The following PPP2R5C variants were observed in gnomAD, a reference collection of about 807,000 sequenced individuals.
The protein encoded by PPP2R5C is protein phosphatase 2 regulatory subunit B'gamma.
A neutral mutation model predicts 68.9 loss-of-function variants in PPP2R5C; 7 were observed. That is an observed-to-expected ratio of 0.10 (90% CI 0.06 to 0.19). PPP2R5C has a LOEUF of 0.19. Among genes scored for constraint, PPP2R5C ranks in the 10% least tolerant of loss-of-function variants. The probability of loss-of-function intolerance (pLI) is 1.00; values close to 1 mark genes in which losing one functional copy is unlikely to be tolerated. For synonymous variants in PPP2R5C, 210 were observed against 222.2 expected (o/e 0.95, Z 0.49); for missense variants, 348 against 641.3 (o/e 0.54, Z 4.94).
chr14:101,872,149 T>A (rs1368580202), intron 2 of PPP2R5C, among the ~76,000 whole-genome samples: 2 of 151,704 alleles, frequency 1.3e-5, no homozygotes. Context: ...ATATTTCTTA[T>A]AGCACAGGTC....
At chr14:101,898,690 AC>A (rs1383843854) in intron 8 of PPP2R5C, among the ~76,000 whole-genome samples, 1 of 152,062 alleles carries the variant, frequency 6.6e-6, no homozygotes, top group Non-Finnish European at 1.5e-5. Flanking sequence ...CGATGTTCCC[AC>A]CCGGGGACAC....
rs542332832 is a variant in PPP2R5C, at chr14:101,918,000, T to C, written c.1443+53T>C. The C allele has an allele frequency of 1.6e-4, 263 of 1,610,042 alleles. No homozygotes were observed. Among genetic ancestry groups the C allele is most frequent in the Non-Finnish European group, 2.2e-4 (255 of 1,177,420 alleles). ...ACCCATGACTGATTTGCTTAAGAAATGCACATTTTTGTAGGCGATGTGATT... is the reference window on the plus strand; with the variant it reads ...ACCCATGACTGATTTGCTTAAGAAACGCACATTTTTGTAGGCGATGTGATT... On this transcript the variant is annotated intron_variant, in intron 13 of 13. Transcript: ENST00000334743. This position sits in a 1 kb window ranked among gnomAD's most constrained non-coding sequence, Gnocchi z 4.4.
intron 2 of PPP2R5C, chr14:101,765,202 A>T (rs1473635303): frequency 4.3e-6 from 3 of 702,638 alleles, no homozygotes; most frequent in Non-Finnish European, 7.8e-6. Context: ...TACCACTGAA[A>T]ACACTGAAAT....
chr14:101,761,627 G>C (rs1465508414), upstream of PPP2R5C, among the ~76,000 whole-genome samples: 13 of 136,626 alleles, frequency 9.5e-5, no homozygotes, highest in Non-Finnish European at 1.6e-4. Flanking sequence ...GGCCGGCCGG[G>C]GGGTGGGAGG....
At position 101,825,559 on chromosome 14, in the gene PPP2R5C, T is replaced by C. The variant is rs2040350091; in HGVS notation, c.94+15523T>C. Reference sequence around the variant, plus strand: ...ACAGAACACAGCATGCAGGCGGAACTGTGCAGGTCAGTCACCACTCCACCT... The same window carrying C: ...ACAGAACACAGCATGCAGGCGGAACCGTGCAGGTCAGTCACCACTCCACCT... On this transcript the variant is annotated intron_variant, in intron 1 of 13. Transcript: ENST00000334743. This position sits in a 1 kb window ranked among gnomAD's most constrained non-coding sequence, Gnocchi z 4.0. Among the ~76,000 whole-genome samples the C allele has an allele frequency of 6.6e-6, 1 of 152,196 alleles. No individual in the cohort carries two copies.
At chr14:101,887,243 G>A (rs1037121856) in intron 5 of PPP2R5C, among the ~76,000 whole-genome samples, 11 of 152,344 alleles carry the variant, frequency 7.2e-5, no homozygotes, top group East Asian at 1.9e-4. Flanking sequence ...GAGGCTGGGC[G>A]GGCAGGGCAG....
At chr14:101,919,981 A>AAAAAAACAAAAC (rs1566972794) in intron 13 of PPP2R5C, among the ~76,000 whole-genome samples, 2 of 140,716 alleles carry the variant, frequency 1.4e-5, no homozygotes, top group African/African-American at 5.8e-5. Flanking sequence ...AAAAAAAAAA[A>AAAAAAACAAAAC]AAAAAAAAAA....
intron 1 of PPP2R5C, among the ~76,000 whole-genome samples, chr14:101,828,639 A>G (rs2040545898): frequency 6.6e-6 from 1 of 151,990 alleles, no homozygotes; most frequent in Non-Finnish European, 1.5e-5. Flanking sequence ...ACAAGCAGAA[A>G]GATTTAATTA....
At chr14:101,799,269 G>A (rs1327251349) in intron 3 of PPP2R5C, among the ~76,000 whole-genome samples, 1 of 152,106 alleles carries the variant, frequency 6.6e-6, no homozygotes, top group Admixed American at 6.6e-5. Context: ...TTTTCCAGTG[G>A]GACAATGCCC....
intron 5 of PPP2R5C, among the ~76,000 whole-genome samples, chr14:101,886,773 TGGA>T (rs34068990): frequency 0.11 from 16,183 of 152,210 alleles, 976 homozygotes; most frequent in African/African-American, 0.14. Context: ...TCACCCAGGC[TGGA>T]GTACAGTGAT....
chr14:101,906,218 T>C lies in PPP2R5C; in HGVS notation c.1024-184T>C, dbSNP rs2046013542. 6.6e-6 allele frequency among the ~76,000 whole-genome samples: 1 copy of C among 152,258 alleles called. No individual in the cohort carries two copies. Among genetic ancestry groups the C allele is most frequent in the South Asian group, 2.1e-4 (1 of 4,834 alleles). On this transcript the variant is annotated intron_variant, in intron 9 of 13. Coordinates refer to ENST00000334743, the Ensembl canonical transcript of PPP2R5C. The surrounding 1 kb of genome is among the most constrained non-coding windows in gnomAD (Gnocchi z 4.0). ...ATGAGTTGATGTACAAGAAGTTGTC[T>C]GCCTCTTTGTTGAAGGCTCTTCAGG...
At chr14:101,884,789 G>A (rs1237024669) in intron 5 of PPP2R5C, among the ~76,000 whole-genome samples, 1 of 152,234 alleles carries the variant, frequency 6.6e-6, no homozygotes, top group African/African-American at 2.4e-5. Context: ...TCACTGGGAG[G>A]CTCTGCCTGA....
In PPP2R5C at chr14:101,906,944, A is replaced by AC. The variant is rs1168297521; in HGVS notation, c.1151+419dup. On this transcript the variant is annotated intron_variant, in intron 10 of 13. Coordinates refer to ENST00000334743, the Ensembl canonical transcript of PPP2R5C. This position sits in a 1 kb window ranked among gnomAD's most constrained non-coding sequence, Gnocchi z 4.0. ...AGCCCCTGTGTGAGACCCAAGAACC[A>AC]CCCCACAGTGGTCACTACCTGGAGA... Among the ~76,000 whole-genome samples the AC allele has an allele frequency of 1.3e-5, 2 of 151,764 alleles. No homozygotes were observed. Among genetic ancestry groups the AC allele is most frequent in the African/African-American group, 2.4e-5 (1 of 41,316 alleles).
intron 2 of PPP2R5C, among the ~76,000 whole-genome samples, chr14:101,764,355 T>A (rs930397303): frequency 6.6e-6 from 1 of 152,196 alleles, no homozygotes; most frequent in African/African-American, 2.4e-5. Flanking sequence ...CAGAACTGGA[T>A]CATTGAAGCC....
At chr14:101,903,798 C>G (rs2045862192) in intron 9 of PPP2R5C, among the ~76,000 whole-genome samples, 1 of 152,004 alleles carries the variant, frequency 6.6e-6, no homozygotes, top group Admixed American at 6.5e-5. Context: ...GCCTCGGCCT[C>G]CCGAGTAGAT....
chr14:101,823,693 G>T lies in PPP2R5C; in HGVS notation c.94+13657G>T, dbSNP rs929588355. Reference sequence around the variant, plus strand: ...TCCAACTTGTCTGAGGTCCAAGAAGGAGCTGGTGACAGAGACCAGATACCG... The same window carrying T: ...TCCAACTTGTCTGAGGTCCAAGAAGTAGCTGGTGACAGAGACCAGATACCG... On this transcript the variant is annotated intron_variant, in intron 1 of 13. Transcript: ENST00000334743. 12 of 934,060 alleles carry T rather than the reference G, an allele frequency of 1.3e-5. No homozygotes were observed. The African/African-American group carries it at 2.1e-4, about 16-fold the overall frequency. 57.9% of individuals were successfully genotyped at this position (934,060 alleles called of 1,614,324 possible).
At chr14:101,925,233 C>T (rs2047233774) in exon 14 of PPP2R5C, 4 of 1,613,786 alleles carry the variant, frequency 2.5e-6, no homozygotes, top group Non-Finnish European at 3.4e-6. Flanking sequence ...TGGAAGCTCA[C>T]TGCAGGGCCG....
chr14:101,909,521 G>A, intron 10 of PPP2R5C, 68 bp from the exon 13 acceptor site: 1 of 1,075,880 alleles, frequency 9.3e-7, no homozygotes, highest in Non-Finnish European at 1.4e-6. Flanking sequence ...GGAGCAGCCT[G>A]AGAGTGGAGA....
intron 12 of PPP2R5C, chr14:101,914,522 T>C (rs964905238): frequency 5.6e-6 from 1 of 177,290 alleles, no homozygotes; most frequent in Admixed American, 5.7e-5. Context: ...AGTTTGGTTT[T>C]CCATCTCAGA....
Sources: gnomAD v4.1 joint callset for allele counts (sites outside exome capture counted in the v4.1 genomes callset) on GRCh38, gnomAD v4.1.1 for gene constraint, Gnocchi (gnomAD v3.1) non-coding constraint, MANE v1.5 for transcripts, NCBI Gene and HGNC (gene_info 2026-07-23, HGNC 2026-07-21) for gene names.